Variants in EIF2B3 observed in about 807,000 individuals in gnomAD.
EIF2B3 encodes eukaryotic translation initiation factor 2B subunit gamma.
Under a neutral mutation model 54.1 loss-of-function variants are expected in EIF2B3, and 20 were observed. The observed-to-expected ratio is 0.37, with a 90% CI of 0.26 to 0.54. EIF2B3 has a LOEUF of 0.54. Ranked by LOEUF, EIF2B3 falls within the 20% of genes least tolerant of loss-of-function variation. The pLI is 0.86. For missense variants in EIF2B3, 448 were observed against 547.8 expected (o/e 0.82, Z 1.82); for synonymous variants, 153 against 188.1 (o/e 0.81, Z 1.52).
chr1:44,966,784 T>C (rs928526558), intron 3 of EIF2B3, among the ~76,000 whole-genome samples: 3 of 152,128 alleles, frequency 2.0e-5, no homozygotes, highest in African/African-American at 4.8e-5. Context: ...AAAGCACATA[T>C]AAGAAAGACA....
At chr1:44,874,168 C>T (rs1655049108) in intron 10 of EIF2B3, among the ~76,000 whole-genome samples, 1 of 152,084 alleles carries the variant, frequency 6.6e-6, no homozygotes, top group South Asian at 2.1e-4. Flanking sequence ...TTCATTTTCC[C>T]AGAGTTAATA....
chr1:44,972,623 T>TATATAC (rs1389316681), intron 3 of EIF2B3: 8 of 141,576 alleles, frequency 5.7e-5, no homozygotes, highest in Non-Finnish European at 1.2e-4. Context: ...AATAAATAAA[T>TATATAC]ACACACACAC....
intron 11 of EIF2B3, among the ~76,000 whole-genome samples, chr1:44,852,598 G>C (rs765967679): frequency 6.6e-6 from 1 of 151,922 alleles, no homozygotes; most frequent in Non-Finnish European, 1.5e-5. Flanking sequence ...TGGCCAACAT[G>C]ATGGAACCCC....
chr1:44,969,159 T>C (rs537962117), intron 3 of EIF2B3, among the ~76,000 whole-genome samples: 49 of 152,296 alleles, frequency 3.2e-4, no homozygotes, highest in African/African-American at 1.2e-3. Flanking sequence ...TACCTGCAGA[T>C]GGAAGAACAC....
At chr1:44,958,692 G>C in intron 3 of EIF2B3, 1 of 1,597,740 alleles carries the variant, frequency 6.3e-7, no homozygotes, top group East Asian at 2.2e-5. Flanking sequence ...TCGCTCACCA[G>C]CTATCTGTGC....
intron 3 of EIF2B3, chr1:44,959,476 G>C (rs1418668089): frequency 2.9e-6 from 1 of 347,850 alleles, no homozygotes. Flanking sequence ...CCAGGAGTAT[G>C]ACACTGTAAT....
intron 6 of EIF2B3, among the ~76,000 whole-genome samples, chr1:44,890,415 G>A (rs1569633646): frequency 6.7e-6 from 1 of 150,226 alleles, no homozygotes; most frequent in East Asian, 2.0e-4. Flanking sequence ...CTAATTAATT[G>A]GCATAAAGAA....
intron 5 of EIF2B3, among the ~76,000 whole-genome samples, chr1:44,917,023 T>C (rs145951576): frequency 1.3e-5 from 2 of 152,292 alleles, no homozygotes; most frequent in East Asian, 3.9e-4. Flanking sequence ...GGACGGGACA[T>C]TGTTCCTCTT....
chr1:44,905,141 G>A (rs1265901305), intron 5 of EIF2B3, among the ~76,000 whole-genome samples: 6 of 152,164 alleles, frequency 3.9e-5, no homozygotes, highest in South Asian at 2.1e-4. Context: ...ACAGATTCTC[G>A]ATTGTTAGGA....
chr1:44,957,108 GAAA>G (rs1001180160), intron 3 of EIF2B3, among the ~76,000 whole-genome samples: 1 of 151,900 alleles, frequency 6.6e-6, no homozygotes, highest in African/African-American at 2.4e-5. Flanking sequence ...CCACAAAAAA[GAAA>G]AAAAATTAGC....
At chr1:44,861,837 G>A (rs1336219322) in intron 10 of EIF2B3, among the ~76,000 whole-genome samples, 1 of 152,200 alleles carries the variant, frequency 6.6e-6, no homozygotes, top group South Asian at 2.1e-4. Flanking sequence ...ACAGCTTACT[G>A]GTTGTGAAGC....
At chr1:44,892,376 T>C (rs1265393512) in intron 6 of EIF2B3, among the ~76,000 whole-genome samples, 1 of 151,936 alleles carries the variant, frequency 6.6e-6, no homozygotes, top group Non-Finnish European at 1.5e-5. Context: ...GCCGAGGAGT[T>C]TGAGACCAGC....
chr1:44,983,856 G>A (rs913255706), intron 1 of EIF2B3, among the ~76,000 whole-genome samples: 1 of 151,688 alleles, frequency 6.6e-6, no homozygotes, highest in Non-Finnish European at 1.5e-5. Context: ...ACAGGCATCC[G>A]CCACCATACT....
At chr1:44,944,471 G>A (rs1227253464) in intron 3 of EIF2B3, among the ~76,000 whole-genome samples, 1 of 150,958 alleles carries the variant, frequency 6.6e-6, no homozygotes, top group Non-Finnish European at 1.5e-5. Context: ...CTTCTGCCTG[G>A]GTGACAGTGC....
At chr1:44,888,636 T>C (rs1655687276) in intron 6 of EIF2B3, among the ~76,000 whole-genome samples, 2 of 152,238 alleles carry the variant, frequency 1.3e-5, no homozygotes, top group Non-Finnish European at 1.5e-5. Flanking sequence ...AATTTGTCTG[T>C]GTTGTTCTGT....
At chr1:44,951,883 GT>G (rs1347618612) in intron 3 of EIF2B3, among the ~76,000 whole-genome samples, 3 of 149,042 alleles carry the variant, frequency 2.0e-5, no homozygotes, top group African/African-American at 7.4e-5. Flanking sequence ...CGCTTCACAG[GT>G]TCAAGCAATT....
chr1:44,969,931 G>A (rs983987066), intron 3 of EIF2B3: 4 of 152,144 alleles, frequency 2.6e-5, no homozygotes, highest in Non-Finnish European at 5.9e-5. Context: ...TGAAATCTAA[G>A]AGCATTCATG....
At chr1:44,958,789 C>T in intron 3 of EIF2B3, 1 of 1,374,692 alleles carries the variant, frequency 7.3e-7, no homozygotes, top group Non-Finnish European at 1.0e-6. Context: ...ATGGTATTGG[C>T]AGGACTGCGA....
At chr1:44,984,515 C>T (rs954574740) in intron 1 of EIF2B3, among the ~76,000 whole-genome samples, 1 of 151,976 alleles carries the variant, frequency 6.6e-6, no homozygotes, top group Non-Finnish European at 1.5e-5. Context: ...GATTCTGACA[C>T]TCATAGGTGT....
Sources: allele counts gnomAD v4.1 joint callset (sites outside exome capture counted in the v4.1 genomes callset), GRCh38; gene constraint gnomAD v4.1.1; transcripts MANE v1.5; gene names NCBI Gene and HGNC (gene_info 2026-07-23, HGNC 2026-07-21).